HK1: variants seen among roughly 807,000 people sequenced by gnomAD.
HK1 encodes hexokinase 1.
HK1 carries 28 observed loss-of-function variants against 91.6 expected under a neutral mutation model. The observed-to-expected ratio is 0.31, with a 90% CI of 0.23 to 0.42. HK1 has a LOEUF of 0.42. Among genes scored for constraint, HK1 ranks in the 10% least tolerant of loss-of-function variants. The pLI is 1.00. For synonymous variants in HK1, 430 were observed against 468.1 expected (o/e 0.92, Z 1.05); for missense variants, 770 against 1,219.8 (o/e 0.63, Z 5.49).
intron 2 of HK1, 146 bp downstream of exon 2, chr10:69,344,135 T>A: frequency 1.2e-6 from 1 of 807,660 alleles, no homozygotes; most frequent in Non-Finnish European, 2.1e-6. Flanking sequence ...ATCCATCCGC[T>A]GATCCATCTG....
intron 5 of HK1, among the ~76,000 whole-genome samples, chr10:69,302,164 T>C (rs1845907120): frequency 6.6e-6 from 1 of 151,482 alleles, no homozygotes; most frequent in Non-Finnish European, 1.5e-5. Context: ...GGAGAATCAC[T>C]TGAACCTGGG....
intron 2 of HK1, among the ~76,000 whole-genome samples, chr10:69,285,077 C>T (rs1489087555): frequency 1.3e-5 from 2 of 152,182 alleles, no homozygotes; most frequent in East Asian, 3.9e-4. Context: ...CCTTGGCCTC[C>T]CCAAATGCTG....
At chr10:69,282,883 G>A (rs1339055688) in intron 2 of HK1, among the ~76,000 whole-genome samples, 7 of 151,100 alleles carry the variant, frequency 4.6e-5, no homozygotes, top group Non-Finnish European at 8.9e-5. Context: ...TTGGGAGGCC[G>A]AGGTGGGTGG....
intron 4 of HK1, among the ~76,000 whole-genome samples, chr10:69,368,292 G>A (rs1236412275): frequency 6.6e-6 from 1 of 152,234 alleles, no homozygotes; most frequent in Non-Finnish European, 1.5e-5. Context: ...CTTTCTTCTG[G>A]AGTGAACTGG....
intron 1 of HK1, among the ~76,000 whole-genome samples, chr10:69,270,584 A>G (rs1342518361): frequency 2.6e-5 from 4 of 152,052 alleles, no homozygotes; most frequent in African/African-American, 9.7e-5. Flanking sequence ...TGTCTAAAAA[A>G]GAAAAAAAAA....
At chr10:69,304,275 ATTATTTATTTATTTATTTAT>A (rs141139312) in intron 5 of HK1, among the ~76,000 whole-genome samples, 32 of 143,388 alleles carry the variant, frequency 2.2e-4, no homozygotes, top group Non-Finnish European at 3.2e-4. Flanking sequence ...TTTTATTTTT[ATTATTTATTTATTTATTTAT>A]TTATTTATTT....
At chr10:69,357,452 T>C (rs1316917780) in intron 2 of HK1, among the ~76,000 whole-genome samples, 2 of 152,182 alleles carry the variant, frequency 1.3e-5, no homozygotes, top group Admixed American at 1.3e-4. Flanking sequence ...CCGTATGATT[T>C]CTTTTCTTCT....
intron 10 of HK1, among the ~76,000 whole-genome samples, chr10:69,383,706 G>A (rs1839501982): frequency 6.6e-6 from 1 of 152,268 alleles, no homozygotes; most frequent in African/African-American, 2.4e-5. Flanking sequence ...ATGTCCAGCA[G>A]TTGGCTGTCA....
intron 5 of HK1, among the ~76,000 whole-genome samples, chr10:69,309,925 C>T (rs1236212057): frequency 6.6e-6 from 1 of 151,618 alleles, no homozygotes; most frequent in Non-Finnish European, 1.5e-5. Context: ...TGGCGCATGC[C>T]TGTAATCCCA....
At chr10:69,363,643 T>G (rs1589543571) in intron 3 of HK1, among the ~76,000 whole-genome samples, 1 of 152,140 alleles carries the variant, frequency 6.6e-6, no homozygotes, top group Non-Finnish European at 1.5e-5. Flanking sequence ...CCTCCCAAAG[T>G]ATTGGGATTA....
chr10:69,300,818 T>C (rs758694021), exon 5 of HK1: 3 of 1,610,924 alleles, frequency 1.9e-6, no homozygotes, highest in Non-Finnish European at 2.5e-6. Flanking sequence ...TGTGCACCAC[T>C]GTGGTGGCGT....
chr10:69,334,411 C>T (rs923919004), intron 1 of HK1, among the ~76,000 whole-genome samples: 5 of 152,104 alleles, frequency 3.3e-5, no homozygotes, highest in East Asian at 1.9e-4. Flanking sequence ...GTGGGAATCC[C>T]GATTATCTTT....
intron 15 of HK1, among the ~76,000 whole-genome samples, chr10:69,394,353 A>G (rs1840042288): frequency 6.6e-6 from 1 of 152,240 alleles, no homozygotes; most frequent in South Asian, 2.1e-4. Context: ...CAAAACCTTT[A>G]GAAAAATCTA....
Position 69,401,773 on chromosome 10 carries a change from T to C in HK1, c.*638T>C. On this transcript the variant is annotated 3_prime_UTR_variant, in exon 18 of 18. Transcript: ENST00000359426. ...TGGACAGTCCTGCGGAAATGTGTCT[T>C]GTCTCCATTTGGATAAAAGGAACCA... is the stretch of plus-strand genomic sequence containing the variant. The C allele has an allele frequency of 5.8e-6, 1 of 171,002 alleles. No individual in the cohort carries two copies. The allele number at this position is 171,002 out of a possible 1,614,324, so 10.6% of individuals were successfully genotyped here. A position where few individuals can be genotyped will look rare whatever the true frequency, so the allele number is the denominator to read the frequency against.
At chr10:69,308,759 T>C (rs892916897) in intron 5 of HK1, among the ~76,000 whole-genome samples, 1 of 152,144 alleles carries the variant, frequency 6.6e-6, no homozygotes, top group Non-Finnish European at 1.5e-5. Context: ...TCTGTCTCTC[T>C]TCTCTCAATT....
chr10:69,317,970 C>T (rs1196285965), upstream of HK1: 11 of 874,256 alleles, frequency 1.3e-5, 1 homozygote, highest in Non-Finnish European at 1.5e-5. Context: ...AACACGGCAC[C>T]TGGGAAGGGG....
rs1216699067 is a variant in HK1 at position 69,364,653 on chromosome 10, C to T, written c.376-130C>T. 5.2e-6 allele frequency: 6 copies of T among 1,164,126 alleles called. No homozygotes were observed. The African/African-American group carries it at 9.1e-5, about 18-fold the overall frequency. The allele number at this position is 1,164,126 out of a possible 1,614,324, so 72.1% of individuals were successfully genotyped here. ...GCTTTTCAGACAGGGCCACCAGGTCCCAGGAGTACGAGCACTTTGTTTGGG... is the reference window on the plus strand; with the variant it reads ...GCTTTTCAGACAGGGCCACCAGGTCTCAGGAGTACGAGCACTTTGTTTGGG... On this transcript the variant is annotated intron_variant, in intron 3 of 17. Transcript: ENST00000359426.
intron 4 of HK1, chr10:69,300,622 C>A: frequency 1.4e-6 from 1 of 722,010 alleles, no homozygotes; most frequent in Admixed American, 2.0e-5. Flanking sequence ...TTTAGACTGC[C>A]TGTGAGGTTC....
rs188676854 is a variant in HK1 at position 69,308,217 on chromosome 10, C to T, written c.27+7356C>T. 1.2e-4 allele frequency among the ~76,000 whole-genome samples: 19 copies of T among 152,220 alleles called. No homozygotes were observed. The East Asian group carries it at 3.1e-3, about 25-fold the overall frequency. The stretch of plus-strand genomic sequence containing the variant: ...CTGGTTTTGTGGAAGACAATTTTTC[C>T]ACAGACCCGTGTGTGTGTGGGGATG... On this transcript the variant is annotated intron_variant, in intron 5 of 21. Transcript: ENST00000360289.
Sources: gnomAD v4.1 joint callset for allele counts (sites outside exome capture counted in the v4.1 genomes callset) on GRCh38, gnomAD v4.1.1 for gene constraint, MANE v1.5 for transcripts, NCBI Gene and HGNC (gene_info 2026-07-23, HGNC 2026-07-21) for gene names.